The following MYO10 variants were observed in gnomAD, a reference collection of about 807,000 sequenced individuals.
The protein encoded by MYO10 is myosin X, also known as unconventional myosin-X.
Under a neutral mutation model 257.3 loss-of-function variants are expected in MYO10, and 133 were observed. That is an observed-to-expected ratio of 0.52 (90% confidence interval 0.45 to 0.60). The LOEUF (loss-of-function observed/expected upper bound fraction) is 0.60, where lower values mean the gene tolerates loss of function less well. Ranked by LOEUF, MYO10 falls within the 20% of genes least tolerant of loss-of-function variation. The probability of loss-of-function intolerance (pLI) is 0.00; values close to 1 mark genes in which losing one functional copy is unlikely to be tolerated. For synonymous variants in MYO10, 1,104 were observed against 1,028.6 expected, an observed-to-expected ratio of 1.07 and a Z score of -1.40; for missense variants, 2,399 against 2,635.7, an observed-to-expected ratio of 0.91 and a Z score of 1.97.
chr5:16,783,661 T>C (rs114125036), intron 4 of MYO10, among the ~76,000 whole-genome samples, 192 bp from the exon 5 acceptor site: 3 of 152,232 alleles, frequency 2.0e-5, no homozygotes, highest in Non-Finnish European at 2.9e-5. Context: ...CCACATTGTG[T>C]CTGGCCTTAC....
At chr5:16,669,193 C>G (rs1195263576) in intron 39 of MYO10, among the ~76,000 whole-genome samples, 1 of 149,700 alleles carries the variant, frequency 6.7e-6, no homozygotes, top group African/African-American at 2.5e-5. Flanking sequence ...TCTGCATCCT[C>G]CATGCAAAAG....
intron 19 of MYO10, among the ~76,000 whole-genome samples, chr5:16,744,181 A>C (rs1375479903): frequency 6.6e-6 from 1 of 152,246 alleles, no homozygotes; most frequent in African/African-American, 2.4e-5. Flanking sequence ...CTCAGCTTAA[A>C]TTTGGGATTA....
intron 2 of MYO10, among the ~76,000 whole-genome samples, chr5:16,870,524 C>G (rs1744423286): frequency 6.6e-6 from 1 of 151,526 alleles, no homozygotes. Flanking sequence ...GTATGCACCA[C>G]TCTAAATCAA....
At chr5:16,763,170 A>C (rs1468073775) in intron 14 of MYO10, among the ~76,000 whole-genome samples, 1 of 152,100 alleles carries the variant, frequency 6.6e-6, no homozygotes, top group Non-Finnish European at 1.5e-5. Context: ...AATTTTGGGG[A>C]TAAAACTTTT....
chr5:16,762,429 A>G (rs1314789246), intron 15 of MYO10, 116 bp downstream of exon 15: 2 of 838,028 alleles, frequency 2.4e-6, no homozygotes, highest in Non-Finnish European at 3.7e-6. Context: ...TGGTTTGAGA[A>G]TAAATGTTCA....
intron 19 of MYO10, among the ~76,000 whole-genome samples, chr5:16,712,027 T>C (rs1051560225): frequency 6.6e-6 from 1 of 150,748 alleles, no homozygotes; most frequent in African/African-American, 2.4e-5. Context: ...ATTTTACTTT[T>C]TAAATTTGAA....
At chr5:16,759,261 T>C (rs1015178098) in intron 17 of MYO10, among the ~76,000 whole-genome samples, 1 of 152,110 alleles carries the variant, frequency 6.6e-6, no homozygotes, top group Admixed American at 6.5e-5. Context: ...GCATGGAAGG[T>C]ATCATGGGCT....
intron 1 of MYO10, among the ~76,000 whole-genome samples, chr5:16,928,481 A>G (rs968327994): frequency 1.3e-5 from 2 of 151,902 alleles, no homozygotes; most frequent in African/African-American, 2.4e-5. Context: ...GCATGAGCAC[A>G]TGGCCCTAAG....
chr5:16,724,109 T>C (rs949260107), intron 19 of MYO10, among the ~76,000 whole-genome samples: 1 of 152,170 alleles, frequency 6.6e-6, no homozygotes, highest in African/African-American at 2.4e-5. Flanking sequence ...TAATGTAGAT[T>C]GTCACAAGAG....
At chr5:16,825,872 C>T (rs560348081) in intron 2 of MYO10, among the ~76,000 whole-genome samples, 1 of 151,934 alleles carries the variant, frequency 6.6e-6, no homozygotes, top group Admixed American at 6.6e-5. Context: ...AGGCCGGGCA[C>T]GGTGGCTCAT....
rs867264757 is a variant in MYO10 at position 16,667,531 on chromosome 5, C to T, written c.6076-738G>A. ...AGTGGTTCCTTGTTGTCTACTGGAT[C>T]TCACCAAATCCTGCAGCCTGGCACC... On this transcript the variant is annotated intron_variant, in intron 40 of 40. Coordinates refer to ENST00000513610, the MANE Select transcript of MYO10 (RefSeq NM_012334.3). Among the ~76,000 whole-genome samples, 4 of 152,270 alleles carry T rather than the reference C, an allele frequency of 2.6e-5. No individual in the cohort carries two copies. The South Asian group carries it at 6.2e-4, about 24-fold the overall frequency.
intron 9 of MYO10, among the ~76,000 whole-genome samples, chr5:16,770,503 C>G (rs566341587): frequency 6.6e-6 from 1 of 152,176 alleles, no homozygotes; most frequent in East Asian, 1.9e-4. Flanking sequence ...CTAAGATTTG[C>G]TGATTTTCTA....
chr5:16,873,778 C>A (rs1580100064), intron 2 of MYO10, among the ~76,000 whole-genome samples: 1 of 152,198 alleles, frequency 6.6e-6, no homozygotes, highest in Non-Finnish European at 1.5e-5. Flanking sequence ...CTGAGCTGTA[C>A]ATTGGCCTCT....
chr5:16,932,668 T>C (rs1746322497), intron 1 of MYO10, among the ~76,000 whole-genome samples: 1 of 152,202 alleles, frequency 6.6e-6, no homozygotes, highest in South Asian at 2.1e-4. Flanking sequence ...TCAGTTTCTC[T>C]AATCCTGGAG....
chr5:16,690,103 A>G (rs1191510051), intron 27 of MYO10, among the ~76,000 whole-genome samples, 184 bp from the exon 28 acceptor site: 3 of 152,196 alleles, frequency 2.0e-5, no homozygotes, highest in Non-Finnish European at 4.4e-5. Context: ...GGATTCAACC[A>G]GCAGCAGATC....
chr5:16,795,549 C>T (rs1189586418), intron 3 of MYO10, among the ~76,000 whole-genome samples: 1 of 152,102 alleles, frequency 6.6e-6, no homozygotes, highest in African/African-American at 2.4e-5. Flanking sequence ...TGCAGTGACC[C>T]GAGATAGTGC....
chr5:16,703,047 C>A lies in MYO10; in HGVS notation c.2388G>T (p.Gln796His). 1 of 1,556,084 alleles carries A rather than the reference C, an allele frequency of 6.4e-7. No homozygotes were observed. The highest frequency in any genetic ancestry group is 8.7e-7 in the Non-Finnish European group (1 of 1,148,668). ...GAGCAATCTGACCTCTGAGTTGCTT[C>A]TGGAAAACTATGGCTGCCTTTTTCA... ...LHLKKAAIVF[Q>H]KQLRGQIARR... Residue 796 changes from glutamine to histidine, a missense_variant, in exon 23 of 41, where the codon CAG (glutamine) becomes CAT (histidine). Gln to His is a conservative substitution (Grantham distance 24). Transcript: ENST00000513610.
chr5:16,705,059 G>A (rs1165283557), intron 21 of MYO10, among the ~76,000 whole-genome samples: 2 of 152,154 alleles, frequency 1.3e-5, no homozygotes, highest in Admixed American at 1.3e-4. Flanking sequence ...ACTACATTGA[G>A]TCTACGTAAT....
At chr5:16,713,373 T>C (rs1738706614) in intron 19 of MYO10, 1 of 985,856 alleles carries the variant, frequency 1.0e-6, no homozygotes. Context: ...TCAGTTTGGC[T>C]CTTGGGCCAA....
Sources: allele counts gnomAD v4.1 joint callset (sites outside exome capture counted in the v4.1 genomes callset), GRCh38; gene constraint gnomAD v4.1.1; transcripts MANE v1.5; gene names NCBI Gene and HGNC (gene_info 2026-07-23, HGNC 2026-07-21).